MARCHF1: variants seen among roughly 807,000 people sequenced by gnomAD.
The protein encoded by MARCHF1 is E3 ubiquitin-protein ligase MARCHF1.
In MARCHF1, 40 loss-of-function variants were observed where a neutral mutation model predicts 54.2. That is an observed-to-expected ratio of 0.74 (90% CI 0.57 to 0.96). MARCHF1 has a LOEUF of 0.96. Ranked by LOEUF, MARCHF1 falls within the 40% of genes least tolerant of loss-of-function variation. The probability of loss-of-function intolerance (pLI) is 0.00; values close to 1 mark genes in which losing one functional copy is unlikely to be tolerated. For synonymous variants in MARCHF1, 236 were observed against 236.3 expected, an observed-to-expected ratio of 1.00 and a Z score of 0.01; for missense variants, 586 against 656.5, an observed-to-expected ratio of 0.89 and a Z score of 1.17.
chr4:163,884,257 A>AT (rs2111251087), intron 3 of MARCHF1, among the ~76,000 whole-genome samples: 1 of 152,112 alleles, frequency 6.6e-6, no homozygotes, highest in East Asian at 1.9e-4. Context: ...TTCCTGTTAA[A>AT]TTTTTTTCTA....
At chr4:163,538,680 G>C (rs144840363) in intron 9 of MARCHF1, among the ~76,000 whole-genome samples, 89 of 152,132 alleles carry the variant, frequency 5.9e-4, no homozygotes, top group Non-Finnish European at 1.1e-3. Flanking sequence ...ATTTTATTCC[G>C]AAGAACCCTA....
chr4:164,330,019 T>C (rs944772595), intron 1 of MARCHF1: 13 of 152,222 alleles, frequency 8.5e-5, no homozygotes, highest in Admixed American at 7.9e-4. Flanking sequence ...AGTTACCAGA[T>C]AGCATCTGTT....
At chr4:164,262,125 A>G (rs1733483846) in intron 1 of MARCHF1, among the ~76,000 whole-genome samples, 1 of 145,330 alleles carries the variant, frequency 6.9e-6, no homozygotes, top group Non-Finnish European at 1.5e-5. Context: ...AAAAAAAAAA[A>G]GAATAGAGAG....
At chr4:164,099,186 C>T (rs950539734) in intron 2 of MARCHF1, among the ~76,000 whole-genome samples, 1 of 151,950 alleles carries the variant, frequency 6.6e-6, no homozygotes. Context: ...CACAGGAGAC[C>T]CAGAGAATTT....
At chr4:164,328,378 CAATT>C (rs954437669) in intron 1 of MARCHF1, among the ~76,000 whole-genome samples, 14 of 151,958 alleles carry the variant, frequency 9.2e-5, no homozygotes, top group Admixed American at 2.6e-4. Context: ...AATCTTAAAA[CAATT>C]AAAGCAAGAA....
intron 3 of MARCHF1, among the ~76,000 whole-genome samples, chr4:163,915,348 G>A (rs62350592): frequency 0.83 from 125,488 of 151,948 alleles, 54,698 homozygotes; most frequent in Non-Finnish European, 0.97. Context: ...TGAGAAAAAT[G>A]TAAAAACTCC....
At chr4:163,727,600 T>C (rs1373482592) in intron 4 of MARCHF1, among the ~76,000 whole-genome samples, 5 of 143,232 alleles carry the variant, frequency 3.5e-5, no homozygotes, top group African/African-American at 4.9e-5. Flanking sequence ...CCAACGCACC[T>C]GGCCCTAAAT....
intron 5 of MARCHF1, among the ~76,000 whole-genome samples, chr4:163,619,273 G>A (rs1579118491): frequency 6.6e-6 from 1 of 152,156 alleles, no homozygotes; most frequent in African/African-American, 2.4e-5. Context: ...GAATTGGAAG[G>A]TTCAGGGTTG....
chr4:164,112,086 AT>A (rs1205566120), intron 1 of MARCHF1, among the ~76,000 whole-genome samples: 2 of 151,826 alleles, frequency 1.3e-5, no homozygotes, highest in Admixed American at 1.3e-4. Flanking sequence ...TAGTTGTTTG[AT>A]AAAAATACAG....
Position 163,529,050 on chromosome 4 carries a change from T to C in MARCHF1, c.1340-4A>G. 6.3e-7 allele frequency: 1 copy of C among 1,589,642 alleles called. No individual in the cohort carries two copies. Among genetic ancestry groups the C allele is most frequent in the Non-Finnish European group, 8.6e-7 (1 of 1,166,284 alleles). On this transcript the variant is annotated splice_region_variant and splice_polypyrimidine_tract_variant and intron_variant, in intron 9 of 9. Coordinates refer to ENST00000514618, the MANE Select transcript of MARCHF1 (RefSeq NM_001394959.1). Reference sequence around the variant, plus strand: ...CAAAATGGCCATTCAAGGACACCTTTGAAATGAAAAAGAGAAAATGTTATC... The same window carrying C: ...CAAAATGGCCATTCAAGGACACCTTCGAAATGAAAAAGAGAAAATGTTATC...
intron 5 of MARCHF1, among the ~76,000 whole-genome samples, chr4:163,682,881 A>T (rs965216971): frequency 1.3e-5 from 2 of 152,142 alleles, no homozygotes; most frequent in African/African-American, 4.8e-5. Flanking sequence ...TCCTTTATAA[A>T]TTACTCAGTC....
At chr4:164,041,544 T>C (rs1014028023) in intron 2 of MARCHF1, among the ~76,000 whole-genome samples, 5 of 152,196 alleles carry the variant, frequency 3.3e-5, no homozygotes, top group African/African-American at 9.6e-5. Flanking sequence ...GCCAAATTAG[T>C]ACATGTCTTA....
intron 2 of MARCHF1, among the ~76,000 whole-genome samples, chr4:164,104,970 AACAG>A (rs1755657917): frequency 1.8e-5 from 1 of 55,190 alleles, no homozygotes; most frequent in African/African-American, 4.5e-5. Flanking sequence ...ATACACCAAC[AACAG>A]ACAAACAGAG....
chr4:163,899,822 T>C (rs1750899500), intron 3 of MARCHF1, among the ~76,000 whole-genome samples: 1 of 151,614 alleles, frequency 6.6e-6, no homozygotes, highest in South Asian at 2.1e-4. Context: ...GTTTTCTCTT[T>C]CTTAGCAAAT....
intron 2 of MARCHF1, among the ~76,000 whole-genome samples, chr4:163,996,851 A>G (rs750693255): frequency 2.0e-5 from 3 of 152,106 alleles, no homozygotes; most frequent in Admixed American, 6.6e-5. Flanking sequence ...AGGAACTACC[A>G]GAAGCTGCGT....
At chr4:164,109,250 A>C (rs1298701813) in intron 2 of MARCHF1, among the ~76,000 whole-genome samples, 2 of 152,016 alleles carry the variant, frequency 1.3e-5, no homozygotes, top group African/African-American at 4.8e-5. Flanking sequence ...TGGATTAATA[A>C]GCACTTTCAT....
chr4:164,342,234 G>A (rs190507317), intron 1 of MARCHF1, among the ~76,000 whole-genome samples: 1 of 152,226 alleles, frequency 6.6e-6, no homozygotes, highest in East Asian at 1.9e-4. Context: ...TCAAGGAAAT[G>A]TAAATCAGAA....
intron 1 of MARCHF1, among the ~76,000 whole-genome samples, chr4:164,263,135 C>T (rs543625568): frequency 9.3e-5 from 14 of 149,744 alleles, no homozygotes; most frequent in East Asian, 2.2e-4. Flanking sequence ...TGTGTGTACG[C>T]GTGCGTGTGT....
At chr4:164,264,435 A>T (rs1319228366) in intron 1 of MARCHF1, among the ~76,000 whole-genome samples, 1 of 152,106 alleles carries the variant, frequency 6.6e-6, no homozygotes, top group African/African-American at 2.4e-5. Flanking sequence ...ACCCCCTGTG[A>T]CAGCAGTTTA....
Sources: allele counts gnomAD v4.1 joint callset (sites outside exome capture counted in the v4.1 genomes callset), GRCh38; gene constraint gnomAD v4.1.1; transcripts MANE v1.5; gene names NCBI Gene and HGNC (gene_info 2026-07-23, HGNC 2026-07-21).